VPS37A: variants seen among roughly 807,000 people sequenced by gnomAD.
VPS37A encodes the protein vacuolar protein sorting-associated protein 37A.
A neutral mutation model predicts 49.8 loss-of-function variants in VPS37A; 30 were observed. The ratio of observed to expected loss-of-function variants is 0.60; its 90% CI spans 0.45 to 0.82. The LOEUF (loss-of-function observed/expected upper bound fraction) is 0.82, where lower values mean the gene tolerates loss of function less well. Ranked by LOEUF, VPS37A falls within the 40% of genes least tolerant of loss-of-function variation. The probability of loss-of-function intolerance (pLI) is 0.00; values close to 1 mark genes in which losing one functional copy is unlikely to be tolerated. For missense variants in VPS37A, 593 were observed against 464.4 expected (o/e 1.28, Z -2.55); for synonymous variants, 195 against 160.6 (o/e 1.21, Z -1.62).
At chr8:17,293,352 A>G (rs993292051) in intron 11 of VPS37A, among the ~76,000 whole-genome samples, 4 of 151,970 alleles carry the variant, frequency 2.6e-5, no homozygotes, top group South Asian at 2.1e-4. Flanking sequence ...CTAGTTAGCA[A>G]TTCTTCTAAC....
Position 17,272,226 on chromosome 8 carries a change from C to A in VPS37A, c.417-2507C>A, listed in dbSNP as rs532257467. On this transcript the variant is annotated intron_variant, in intron 4 of 11. Transcript: ENST00000324849. ...CCTTCATAATCTTCTGAGGGGACTT[C>A]CAGCCTATAGCTCTGCTTGGTCCCA... is the stretch of plus-strand genomic sequence containing the variant. 7.2e-5 allele frequency among the ~76,000 whole-genome samples: 11 copies of A among 152,322 alleles called. No homozygotes were observed. The East Asian group carries it at 2.1e-3, about 29-fold the overall frequency.
chr8:17,332,402 A>G, the VPS37A span, among the ~76,000 whole-genome samples: 1 of 152,214 alleles, frequency 6.6e-6, no homozygotes, highest in East Asian at 1.9e-4. Flanking sequence ...AAAAAGCTGA[A>G]AACCCATGAC....
At chr8:17,330,058 T>C in the VPS37A span, among the ~76,000 whole-genome samples, 12 of 152,316 alleles carry the variant, frequency 7.9e-5, no homozygotes, top group East Asian at 2.1e-3. Context: ...CCCAAACAAG[T>C]TAACTGATGT....
At chr8:17,259,189 A>T (rs1279112851) in intron 1 of VPS37A, among the ~76,000 whole-genome samples, 1 of 151,458 alleles carries the variant, frequency 6.6e-6, no homozygotes, top group African/African-American at 2.4e-5. Flanking sequence ...AAGTCTTTTT[A>T]CTTTTTTGAT....
intron 1 of VPS37A, among the ~76,000 whole-genome samples, chr8:17,256,262 TAA>T (rs1157674278): frequency 1.4e-5 from 2 of 146,616 alleles, no homozygotes; most frequent in African/African-American, 5.1e-5. Context: ...GGCTTTTTGA[TAA>T]AAGTCTTTTT....
Position 17,296,430 on chromosome 8 carries a change from T to G in VPS37A, c.*1444T>G, listed in dbSNP as rs1475362947. ...TAACTGAGGTAAGAGTGTTTCAAAT[T>G]TATGATAGTCTTTTGGGTATTCAGA... On this transcript the variant is annotated 3_prime_UTR_variant, in exon 12 of 12. Transcript: ENST00000324849. 6.6e-6 allele frequency: 1 copy of G among 152,170 alleles called. No homozygotes were observed. Among genetic ancestry groups the G allele is most frequent in the Non-Finnish European group, 1.5e-5 (1 of 68,022 alleles). The allele number at this position is 152,170 out of a possible 1,614,324, so 9.4% of individuals were successfully genotyped here. A position where few individuals can be genotyped will look rare whatever the true frequency, so the allele number is the denominator to read the frequency against.
chr8:17,305,165 G>A (rs192191141), downstream of VPS37A, among the ~76,000 whole-genome samples: 1 of 152,100 alleles, frequency 6.6e-6, no homozygotes, highest in Non-Finnish European at 1.5e-5. Flanking sequence ...CATTTCATTT[G>A]AACTGATCAT....
chr8:17,324,583 A>G, the VPS37A span, among the ~76,000 whole-genome samples: 1 of 152,304 alleles, frequency 6.6e-6, no homozygotes, highest in Admixed American at 6.5e-5. Context: ...CTCATACAAC[A>G]CCAGAGAGGC....
intron 1 of VPS37A, among the ~76,000 whole-genome samples, chr8:17,262,363 A>G (rs1813034425): frequency 6.6e-6 from 1 of 152,088 alleles, no homozygotes; most frequent in African/African-American, 2.4e-5. Flanking sequence ...CATTTGGGGG[A>G]CTATCAAAGA....
At chr8:17,259,621 C>T (rs541172913) in intron 1 of VPS37A, among the ~76,000 whole-genome samples, 1 of 152,138 alleles carries the variant, frequency 6.6e-6, no homozygotes, top group Admixed American at 6.5e-5. Flanking sequence ...TTTGGTGTTT[C>T]TTTATTGATT....
intron 10 of VPS37A, 90 bp downstream of exon 10, chr8:17,284,706 C>T: frequency 7.2e-7 from 1 of 1,394,132 alleles, no homozygotes. Flanking sequence ...AGCTATTTCT[C>T]TATTATGATA....
chr8:17,313,772 A>T, the VPS37A span, among the ~76,000 whole-genome samples: 1 of 152,306 alleles, frequency 6.6e-6, no homozygotes. Flanking sequence ...TGCTATGAGG[A>T]AAAAAATCAT....
the VPS37A span, among the ~76,000 whole-genome samples, chr8:17,323,777 A>C: frequency 4.6e-5 from 7 of 152,182 alleles, no homozygotes; most frequent in Non-Finnish European, 8.8e-5. Flanking sequence ...CTAGAGCCTT[A>C]TGGAGAAAGC....
At chr8:17,292,459 G>T (rs527443672) in intron 11 of VPS37A, among the ~76,000 whole-genome samples, 2 of 150,382 alleles carry the variant, frequency 1.3e-5, no homozygotes, top group African/African-American at 4.9e-5. Context: ...CATTTAGCCC[G>T]TTTAAGGTTA....
the VPS37A span, among the ~76,000 whole-genome samples, chr8:17,319,998 A>T: frequency 6.6e-6 from 1 of 152,156 alleles, no homozygotes; most frequent in Non-Finnish European, 1.5e-5. Context: ...GTAAAATATG[A>T]ATCAAATTTT....
At chr8:17,311,540 G>A in the VPS37A span, 1 of 1,614,000 alleles carries the variant, frequency 6.2e-7, no homozygotes, top group East Asian at 2.2e-5. Flanking sequence ...CGGTAGTGAG[G>A]GTCCAGCAGC....
the VPS37A span, chr8:17,331,326 G>C: frequency 6.5e-7 from 1 of 1,536,902 alleles, no homozygotes. Flanking sequence ...TTACATTGAT[G>C]AAACAATGAT....
chr8:17,323,947 G>A, the VPS37A span, among the ~76,000 whole-genome samples: 1 of 152,090 alleles, frequency 6.6e-6, no homozygotes, highest in Non-Finnish European at 1.5e-5. Flanking sequence ...ATTAATCTTT[G>A]AACTGTCTCA....
chr8:17,285,747 G>A (rs1044709566), intron 10 of VPS37A, among the ~76,000 whole-genome samples: 50 of 152,138 alleles, frequency 3.3e-4, no homozygotes, highest in African/African-American at 1.2e-3. Flanking sequence ...GTGTAACTGT[G>A]CCTTGAAGCT....
Sources: allele counts gnomAD v4.1 joint callset (sites outside exome capture counted in the v4.1 genomes callset), GRCh38; gene constraint gnomAD v4.1.1; transcripts MANE v1.5; gene names NCBI Gene and HGNC (gene_info 2026-07-23, HGNC 2026-07-21).